WDR41: variants seen among roughly 807,000 people sequenced by gnomAD.
The protein encoded by WDR41 is WD repeat-containing protein 41.
In WDR41, 63 loss-of-function variants were observed where a neutral mutation model predicts 69.3. The observed-to-expected ratio is 0.91, with a 90% confidence interval of 0.74 to 1.12. WDR41 has a LOEUF of 1.12. Ranked by LOEUF, WDR41 falls within the 50% of genes most tolerant of loss-of-function variation. The pLI is 0.00. For synonymous variants in WDR41, 185 were observed against 192.1 expected, an observed-to-expected ratio of 0.96 and a Z score of 0.31; for missense variants, 543 against 534.5, an observed-to-expected ratio of 1.02 and a Z score of -0.16.
intron 1 of WDR41, among the ~76,000 whole-genome samples, chr5:77,503,131 G>T (rs1179603570): frequency 7.2e-6 from 1 of 138,504 alleles, no homozygotes; most frequent in Non-Finnish European, 1.5e-5. Context: ...CTCACCTGCA[G>T]AGACACACAT....
intron 1 of WDR41, among the ~76,000 whole-genome samples, chr5:77,580,376 C>T (rs559115302): frequency 3.9e-5 from 6 of 152,064 alleles, no homozygotes; most frequent in Non-Finnish European, 7.4e-5. Flanking sequence ...AGATTTCATA[C>T]GAACTCACTC....
chr5:77,613,359 A>G (rs538782912), intron 1 of WDR41, among the ~76,000 whole-genome samples: 1 of 152,352 alleles, frequency 6.6e-6, no homozygotes, highest in East Asian at 1.9e-4. Flanking sequence ...CCAAAAGAAC[A>G]AAGCTGGAGG....
intron 1 of WDR41, among the ~76,000 whole-genome samples, chr5:77,585,364 C>A (rs1343187348): frequency 6.6e-6 from 1 of 152,164 alleles, no homozygotes; most frequent in Admixed American, 6.5e-5. Flanking sequence ...AACACTTCTA[C>A]ACTGCTGGTG....
intron 1 of WDR41, among the ~76,000 whole-genome samples, chr5:77,541,462 C>T (rs1193503457): frequency 1.3e-5 from 2 of 150,470 alleles, no homozygotes; most frequent in African/African-American, 2.4e-5. Flanking sequence ...ACAGATGCTG[C>T]CAAGGAGATG....
chr5:77,545,849 G>A, intron 1 of WDR41: 1 of 684,102 alleles, frequency 1.5e-6, no homozygotes, highest in Non-Finnish European at 2.4e-6. Context: ...CCATGATCCT[G>A]GCCAAGCAGT....
intron 1 of WDR41, among the ~76,000 whole-genome samples, chr5:77,570,879 A>C (rs1198727524): frequency 6.6e-6 from 1 of 152,058 alleles, no homozygotes; most frequent in Non-Finnish European, 1.5e-5. Context: ...TCATCGACAA[A>C]GGGTGAAATA....
chr5:77,617,719 C>T (rs1178545737), intron 1 of WDR41, among the ~76,000 whole-genome samples: 1 of 151,946 alleles, frequency 6.6e-6, no homozygotes, highest in Non-Finnish European at 1.5e-5. Flanking sequence ...GGAACATAAC[C>T]CATGAAAATA....
chr5:77,515,908 C>T (rs1802285130), intron 1 of WDR41, among the ~76,000 whole-genome samples: 1 of 152,200 alleles, frequency 6.6e-6, no homozygotes. Flanking sequence ...TTTACTTAGC[C>T]AGTCCCCATA....
chr5:77,525,947 T>C (rs1352319545), intron 1 of WDR41, among the ~76,000 whole-genome samples: 1 of 152,160 alleles, frequency 6.6e-6, no homozygotes, highest in Non-Finnish European at 1.5e-5. Context: ...ACCCTTAGCA[T>C]TCTGTGCTTC....
chr5:77,503,431 A>AT (rs1802051681), intron 1 of WDR41, among the ~76,000 whole-genome samples: 1 of 152,168 alleles, frequency 6.6e-6, no homozygotes, highest in South Asian at 2.1e-4. Context: ...ATAATGGGAG[A>AT]TTTTAATACC....
intron 1 of WDR41, among the ~76,000 whole-genome samples, chr5:77,610,051 G>A (rs1178655345): frequency 1.3e-5 from 2 of 152,012 alleles, no homozygotes; most frequent in Admixed American, 1.3e-4. Flanking sequence ...GGAAGAAAGG[G>A]TATCAGTGAT....
At chr5:77,476,722 C>A (rs1362509797) in intron 2 of WDR41, among the ~76,000 whole-genome samples, 2 of 150,766 alleles carry the variant, frequency 1.3e-5, no homozygotes, top group South Asian at 2.1e-4. Context: ...CAAAATCATG[C>A]CAAAATGTAA....
intron 1 of WDR41, among the ~76,000 whole-genome samples, chr5:77,518,965 AG>A (rs1279297889): frequency 1.3e-5 from 2 of 152,130 alleles, no homozygotes; most frequent in Non-Finnish European, 2.9e-5. Flanking sequence ...TAACGTTCAA[AG>A]CAAGAACACT....
chr5:77,558,885 T>C (rs55923331), intron 1 of WDR41, among the ~76,000 whole-genome samples: 21,580 of 65,210 alleles, frequency 0.33, 2,245 homozygotes, highest in East Asian at 0.56. Flanking sequence ...ATTGAAAAAA[T>C]ATTTTTTTTC....
intron 1 of WDR41, among the ~76,000 whole-genome samples, chr5:77,603,062 C>T (rs939623180): frequency 3.9e-5 from 6 of 151,984 alleles, no homozygotes; most frequent in South Asian, 2.1e-4. Context: ...CTCAGCCTCC[C>T]GAGTAGCTGG....
At position 77,458,944 on chromosome 5, in the gene WDR41, T is replaced by C. The variant is rs983118967; in HGVS notation, c.411+118A>G. ...CTTACACGAAGCAAATGACTACAAG[T>C]GTGTGGAAAGAAATAATTCATAAGA... On this transcript the variant is annotated intron_variant, in intron 5 of 12. Coordinates refer to ENST00000296679, the MANE Select transcript of WDR41 (RefSeq NM_018268.4). 8 of 670,056 alleles carry C rather than the reference T, an allele frequency of 1.2e-5. No individual in the cohort carries two copies. The Admixed American group carries it at 1.6e-4, about 13-fold the overall frequency. 41.5% of individuals were successfully genotyped at this position (670,056 alleles called of 1,614,324 possible).
At chr5:77,576,174 C>T (rs774005210) in intron 1 of WDR41, among the ~76,000 whole-genome samples, 1 of 152,122 alleles carries the variant, frequency 6.6e-6, no homozygotes, top group Non-Finnish European at 1.5e-5. Flanking sequence ...AAGAACCCCT[C>T]GATCTATGTT....
chr5:77,620,219 CACA>C (rs201725653), intron 1 of WDR41, among the ~76,000 whole-genome samples: 5,386 of 152,174 alleles, frequency 0.035, 135 homozygotes, highest in Non-Finnish European at 0.051. Context: ...AAACTCTACC[CACA>C]ACATCACCCT....
chr5:77,444,884 A>C (rs1456234684), intron 8 of WDR41, among the ~76,000 whole-genome samples: 1 of 152,250 alleles, frequency 6.6e-6, no homozygotes, highest in Non-Finnish European at 1.5e-5. Flanking sequence ...TAGAGTTTAT[A>C]AAGTAAAAAG....
Sources: allele counts gnomAD v4.1 joint callset (sites outside exome capture counted in the v4.1 genomes callset), GRCh38; gene constraint gnomAD v4.1.1; transcripts MANE v1.5; gene names NCBI Gene and HGNC (gene_info 2026-07-23, HGNC 2026-07-21).